ZC3H12B: variants seen among roughly 807,000 people sequenced by gnomAD.
ZC3H12B encodes zinc finger CCCH-type containing 12B.
ZC3H12B carries 7 observed loss-of-function variants against 43.9 expected under a neutral mutation model. That is an observed-to-expected ratio of 0.16 (90% CI 0.09 to 0.30). The LOEUF is 0.30. Ranked by LOEUF, ZC3H12B falls within the 10% of genes least tolerant of loss-of-function variation. The pLI, the probability that ZC3H12B is intolerant of heterozygous loss-of-function variation, is 1.00. For synonymous variants in ZC3H12B, 222 were observed against 241.7 expected, an observed-to-expected ratio of 0.92 and a Z score of 0.76; for missense variants, 475 against 670.2, an observed-to-expected ratio of 0.71 and a Z score of 3.22.
rs758640151 is a variant in ZC3H12B, at chrX:65,387,106, G to A, written n.296-11487G>A. Among the ~76,000 whole-genome samples, 251 of 111,891 alleles carry A rather than the reference G, an allele frequency of 2.2e-3. 2 individuals carry two copies. Among genetic ancestry groups the A allele is most frequent in the African/African-American group, 7.5e-3 (232 of 30,795 alleles). ...TGGAATAAGTGCAGTGTGGTGCTGA[G>A]AAGAATGTATATTCTGTTGATTTGG... is the stretch of plus-strand genomic sequence containing the variant. On this transcript the variant is annotated intron_variant and non_coding_transcript_variant, in intron 2 of 5. Coordinates refer to the ZC3H12B transcript ENST00000617377.
At chrX:65,115,881 T>C in the ZC3H12B span, among the ~76,000 whole-genome samples, 15 of 111,751 alleles carry the variant, frequency 1.3e-4, no homozygotes, top group Non-Finnish European at 2.5e-4. Flanking sequence ...TCATGTCCTT[T>C]CCTTACTTTT....
At chrX:65,240,818 A>G in the ZC3H12B span, among the ~76,000 whole-genome samples, 1 of 112,178 alleles carries the variant, frequency 8.9e-6, no homozygotes, top group Middle Eastern at 4.2e-3. Flanking sequence ...TTAACAAGCC[A>G]CTTTCCTATA....
the ZC3H12B span, among the ~76,000 whole-genome samples, chrX:65,243,344 G>A: frequency 8.9e-6 from 1 of 112,087 alleles, no homozygotes; most frequent in Non-Finnish European, 1.9e-5. Context: ...ACATAGAAAT[G>A]ACCAAGAAGT....
At chrX:65,121,711 T>C in the ZC3H12B span, among the ~76,000 whole-genome samples, 1 of 111,637 alleles carries the variant, frequency 9.0e-6, no homozygotes, top group African/African-American at 3.3e-5. Context: ...GTGTTTGCTC[T>C]TGCTTCTCTA....
chrX:65,152,083 C>A, the ZC3H12B span, among the ~76,000 whole-genome samples: 1 of 111,439 alleles, frequency 9.0e-6, no homozygotes. Flanking sequence ...GATGTATCTG[C>A]AAATAATAAG....
the ZC3H12B span, among the ~76,000 whole-genome samples, chrX:65,057,892 G>A: frequency 8.9e-6 from 1 of 112,032 alleles, no homozygotes; most frequent in East Asian, 2.8e-4. Context: ...TGAAGCTTGT[G>A]TGTTCATTTC....
chrX:65,470,427 A>G (rs1023037464), intron 3 of ZC3H12B: 2 of 111,338 alleles, frequency 1.8e-5, no homozygotes, highest in African/African-American at 6.6e-5. Context: ...GCCTCTGTAT[A>G]GTCCCTGCTG....
chrX:65,187,497 AGAG>A, the ZC3H12B span, among the ~76,000 whole-genome samples: 2 of 111,907 alleles, frequency 1.8e-5, no homozygotes, highest in East Asian at 5.6e-4. Context: ...TTTCTAATTC[AGAG>A]GAGATTACCA....
the ZC3H12B span, among the ~76,000 whole-genome samples, chrX:65,258,072 G>GAC: frequency 9.0e-6 from 1 of 111,465 alleles, no homozygotes; most frequent in East Asian, 2.8e-4. Context: ...AAACCTGGCA[G>GAC]ACACACACAC....
chrX:65,136,517 G>A, the ZC3H12B span, among the ~76,000 whole-genome samples: 1 of 111,100 alleles, frequency 9.0e-6, no homozygotes, highest in Non-Finnish European at 1.9e-5. Context: ...TGCATGGTTT[G>A]GGGTAATCTC....
the ZC3H12B span, among the ~76,000 whole-genome samples, chrX:65,306,253 C>G: frequency 1.8e-5 from 2 of 112,322 alleles, no homozygotes; most frequent in Admixed American, 9.4e-5. Flanking sequence ...ACAACTAGAG[C>G]TCTCATACAC....
chrX:65,174,676 G>A, the ZC3H12B span, among the ~76,000 whole-genome samples: 1 of 111,867 alleles, frequency 8.9e-6, no homozygotes, highest in Non-Finnish European at 1.9e-5. Context: ...GCACTGTCAG[G>A]GGAAAACCGC....
At chrX:65,255,166 C>G in the ZC3H12B span, among the ~76,000 whole-genome samples, 3 of 111,382 alleles carry the variant, frequency 2.7e-5, no homozygotes, top group Non-Finnish European at 5.7e-5. Context: ...TAAAATTTTC[C>G]CAACTTCACT....
chrX:65,135,798 T>A, the ZC3H12B span, among the ~76,000 whole-genome samples: 1 of 107,610 alleles, frequency 9.3e-6, no homozygotes, highest in Non-Finnish European at 1.9e-5. Flanking sequence ...AGTTTACTGA[T>A]TTTTTTTATT....
intron 3 of ZC3H12B, among the ~76,000 whole-genome samples, chrX:65,465,261 C>G (rs2067802733): frequency 9.0e-6 from 1 of 110,993 alleles, no homozygotes; most frequent in Admixed American, 9.7e-5. Context: ...TCTGGTTTTG[C>G]TTTATGTATT....
rs367940958 is a variant in ZC3H12B at position 65,442,144 on chromosome X, T to C, written n.407+43440T>C. ...CCTTTATCCACTTTTAGTCCTGCCA[T>C]TGCCTGTGCCAACAAGGTAGCATTA... On this transcript the variant is annotated intron_variant and non_coding_transcript_variant, in intron 3 of 5. Coordinates refer to the ZC3H12B transcript ENST00000617377. Among the ~76,000 whole-genome samples the C allele has an allele frequency of 4.6e-5, 5 of 108,506 alleles. 1 individual carries two copies. In the South Asian group the frequency reaches 2.1e-3, roughly 45 times the overall value. 94.2% of individuals were successfully genotyped at this position (108,506 alleles called of 115,157 possible).
the ZC3H12B span, among the ~76,000 whole-genome samples, chrX:65,329,998 G>C: frequency 8.9e-6 from 1 of 112,004 alleles, no homozygotes; most frequent in South Asian, 3.7e-4. Context: ...CTCCAGCTTT[G>C]TTCTTTTAGC....
chrX:65,386,503 C>G (rs1024213075), intron 2 of ZC3H12B, among the ~76,000 whole-genome samples: 6 of 111,687 alleles, frequency 5.4e-5, no homozygotes, highest in Non-Finnish European at 9.4e-5. Flanking sequence ...TCCCCTTTAT[C>G]ATTTTTTATT....
chrX:65,095,004 T>C, the ZC3H12B span, among the ~76,000 whole-genome samples: 3 of 112,048 alleles, frequency 2.7e-5, no homozygotes, highest in South Asian at 1.1e-3. Flanking sequence ...TGAAGTGAGC[T>C]TTTCATGTCA....
Sources: gnomAD v4.1 joint callset for allele counts (sites outside exome capture counted in the v4.1 genomes callset) on GRCh38, gnomAD v4.1.1 for gene constraint, MANE v1.5 for transcripts, NCBI Gene and HGNC (gene_info 2026-07-23, HGNC 2026-07-21) for gene names.